Variants in TNR observed in about 807,000 individuals in gnomAD.
The protein encoded by TNR is tenascin R.
In TNR, 45 loss-of-function variants were observed where a neutral mutation model predicts 150.4. The ratio of observed to expected loss-of-function variants is 0.30; its 90% CI spans 0.24 to 0.38. TNR has a LOEUF of 0.38. Ranked by LOEUF, TNR falls within the 10% of genes least tolerant of loss-of-function variation. The probability of loss-of-function intolerance (pLI) is 1.00; values close to 1 mark genes in which losing one functional copy is unlikely to be tolerated. For synonymous variants in TNR, 687 were observed against 678.4 expected, an observed-to-expected ratio of 1.01 and a Z score of -0.20; for missense variants, 1,544 against 1,759.1, an observed-to-expected ratio of 0.88 and a Z score of 2.19.
chr1:175,414,212 G>C (rs1654336525), intron 2 of TNR, among the ~76,000 whole-genome samples: 1 of 151,938 alleles, frequency 6.6e-6, no homozygotes. Flanking sequence ...AAGCCACCCA[G>C]TTTACGGTAT....
chr1:175,609,453 A>G (rs1663524727), intron 1 of TNR, among the ~76,000 whole-genome samples: 3 of 152,210 alleles, frequency 2.0e-5, no homozygotes, highest in Non-Finnish European at 4.4e-5. Flanking sequence ...TGCTGAGATC[A>G]AAGTGACTTG....
chr1:175,417,078 A>AGAAAGAAAGAAAGAAAGAAG (rs1654527736), intron 2 of TNR, among the ~76,000 whole-genome samples: 1 of 151,632 alleles, frequency 6.6e-6, no homozygotes, highest in Non-Finnish European at 1.5e-5. Flanking sequence ...AAAGAAAGAA[A>AGAAAGAAAGAAAGAAAGAAG]TCTAAGAAGT....
At chr1:175,555,916 A>C (rs1438801085) in intron 1 of TNR, among the ~76,000 whole-genome samples, 4 of 152,188 alleles carry the variant, frequency 2.6e-5, no homozygotes, top group Non-Finnish European at 4.4e-5. Flanking sequence ...CCAGCTTTAC[A>C]TGAATCTGTT....
chr1:175,442,431 A>G (rs1457623735), intron 2 of TNR, among the ~76,000 whole-genome samples: 2 of 148,814 alleles, frequency 1.3e-5, no homozygotes, highest in African/African-American at 5.2e-5. Flanking sequence ...AGATCTGGAG[A>G]GAGATGGCTT....
intron 2 of TNR, among the ~76,000 whole-genome samples, chr1:175,444,980 G>GC (rs1655972939): frequency 6.6e-6 from 1 of 152,128 alleles, no homozygotes; most frequent in African/African-American, 2.4e-5. Flanking sequence ...GCAGTAAGAA[G>GC]CCTGAGGCAG....
chr1:175,362,946 G>T, intron 13 of TNR, 137 bp from the exon 14 acceptor site: 3 of 1,088,554 alleles, frequency 2.8e-6, no homozygotes, highest in Non-Finnish European at 4.0e-6. Context: ...ATGGTTCATG[G>T]GCTGGGAATG....
At chr1:175,348,649 A>C (rs1571322802) in intron 18 of TNR, among the ~76,000 whole-genome samples, 1 of 152,318 alleles carries the variant, frequency 6.6e-6, no homozygotes, top group Non-Finnish European at 1.5e-5. Context: ...CTTAATATAC[A>C]ATGAGGCACC....
chr1:175,541,918 G>A (rs559042097), intron 1 of TNR, among the ~76,000 whole-genome samples: 8 of 152,150 alleles, frequency 5.3e-5, no homozygotes, highest in Non-Finnish European at 7.3e-5. Context: ...TTGTCCTACC[G>A]AGATGGCAAG....
Position 175,403,377 on chromosome 1 carries a change from C to G in TNR, c.739G>C (p.Asp247His). 1 of 1,614,154 alleles carries G rather than the reference C, an allele frequency of 6.2e-7. No individual in the cohort carries two copies. The highest frequency in any genetic ancestry group is 8.5e-7 in the Non-Finnish European group (1 of 1,180,042). ...TDCSSRGLCV[D>H]GECVCEEPYT... ...GGCTCTTCACAGACACACTCCCCGTCCACGCAGAGCCCCCGGGAGCTGCAG... is the reference window on the plus strand; with the variant it reads ...GGCTCTTCACAGACACACTCCCCGTGCACGCAGAGCCCCCGGGAGCTGCAG... The change falls in exon 4 of 23, where the codon GAC becomes CAC. Residue 247 changes from aspartate to histidine, a missense_variant. Asp to His is a moderately conservative substitution (Grantham distance 81). Around this residue, in one of 2 missense-constraint regions of TNR, gnomAD observed 1,254 missense variants for 1,329.4 expected, o/e 0.94. Transcript: ENST00000367674.
chr1:175,341,133 C>T (rs1325580060), intron 18 of TNR, among the ~76,000 whole-genome samples: 1 of 152,156 alleles, frequency 6.6e-6, no homozygotes. Context: ...GGGCTTTATA[C>T]ATTTTAGGAG....
At chr1:175,667,081 T>G (rs1292604409) in intron 1 of TNR, among the ~76,000 whole-genome samples, 1 of 152,152 alleles carries the variant, frequency 6.6e-6, no homozygotes, top group Non-Finnish European at 1.5e-5. Context: ...TACTGTTCCT[T>G]CTTCCTGAAT....
At chr1:175,586,935 C>T (rs1031371413) in intron 1 of TNR, among the ~76,000 whole-genome samples, 1 of 152,208 alleles carries the variant, frequency 6.6e-6, no homozygotes, top group African/African-American at 2.4e-5. Flanking sequence ...CAAATTTGCT[C>T]TACTTAATGA....
At chr1:175,362,243 T>C (rs530358526) in intron 14 of TNR, among the ~76,000 whole-genome samples, 1 of 152,282 alleles carries the variant, frequency 6.6e-6, no homozygotes, top group East Asian at 1.9e-4. Flanking sequence ...TTCTTGGTGG[T>C]TTCTGGCTAT....
chr1:175,742,477 G>T (rs1296598069), intron 1 of TNR, among the ~76,000 whole-genome samples: 1 of 152,122 alleles, frequency 6.6e-6, no homozygotes, highest in Non-Finnish European at 1.5e-5. Context: ...GGTACCTCCT[G>T]CCTCCTTGCA....
chr1:175,601,995 A>G (rs1215913208), intron 1 of TNR, among the ~76,000 whole-genome samples: 1 of 152,106 alleles, frequency 6.6e-6, no homozygotes, highest in Non-Finnish European at 1.5e-5. Flanking sequence ...CCAGCACCCC[A>G]CTGTATAGAG....
rs117005265 is a variant in TNR at position 175,650,290 on chromosome 1, C to T, written c.-165+92936G>A. 1.0e-2 allele frequency among the ~76,000 whole-genome samples: 1,518 copies of T among 152,020 alleles called. 51 individuals carry two copies. The highest frequency in any genetic ancestry group is 0.072 in the Admixed American group (1,094 of 15,274). ...TCCAGCTACTTGGGAGGCTGAGGCA[C>T]GAGCATCTCTTGAACCCGGGAGGCG... On this transcript the variant is annotated intron_variant, in intron 1 of 22. Transcript: ENST00000367674.
chr1:175,447,440 CCTT>C (rs1656105241), intron 2 of TNR, among the ~76,000 whole-genome samples: 1 of 152,188 alleles, frequency 6.6e-6, no homozygotes, highest in Admixed American at 6.5e-5. Context: ...CATTGTTCTG[CCTT>C]CTTCCCGGCC....
intron 1 of TNR, among the ~76,000 whole-genome samples, chr1:175,696,233 T>TG (rs1558077909): frequency 1.2e-4 from 18 of 147,810 alleles, no homozygotes; most frequent in East Asian, 1.9e-4. Flanking sequence ...TTTTTTTTTT[T>TG]TTTTTTTTTT....
intron 2 of TNR, among the ~76,000 whole-genome samples, chr1:175,471,031 C>T (rs1028231600): frequency 1.3e-5 from 2 of 152,202 alleles, no homozygotes; most frequent in Admixed American, 1.3e-4. Context: ...ATGAAGAAGT[C>T]AGTTTGTGTT....
Sources: allele counts gnomAD v4.1 joint callset (sites outside exome capture counted in the v4.1 genomes callset), GRCh38; gene constraint gnomAD v4.1.1; regional missense constraint gnomAD v4.1.1; transcripts MANE v1.5; gene names NCBI Gene and HGNC (gene_info 2026-07-23, HGNC 2026-07-21).